PPA2: variants seen among roughly 807,000 people sequenced by gnomAD.
PPA2 encodes the protein inorganic pyrophosphatase 2, mitochondrial.
PPA2 carries 48 observed loss-of-function variants against 49.5 expected under a neutral mutation model. The observed-to-expected ratio is 0.97, with a 90% CI of 0.77 to 1.23. The LOEUF is 1.23. PPA2 is among the 50% of genes most tolerant of loss of function. The pLI is 0.00. For synonymous variants in PPA2, 131 were observed against 139.9 expected, an observed-to-expected ratio of 0.94 and a Z score of 0.45; for missense variants, 429 against 410.1, an observed-to-expected ratio of 1.05 and a Z score of -0.40.
At chr4:105,386,502 A>C (rs1733688345) in intron 10 of PPA2, 65 bp downstream of exon 10, 1 of 1,465,742 alleles carries the variant, frequency 6.8e-7, no homozygotes, top group Non-Finnish European at 9.5e-7. Context: ...GAGATTTCAG[A>C]ATTTCTACTA....
intron 10 of PPA2, among the ~76,000 whole-genome samples, chr4:105,374,905 TG>T (rs1733182564): frequency 6.6e-6 from 1 of 151,282 alleles, no homozygotes; most frequent in South Asian, 2.1e-4. Context: ...TTGGCCAGGC[TG>T]GTCTGGAACT....
At chr4:105,467,359 G>C (rs1418828625) in intron 1 of PPA2, among the ~76,000 whole-genome samples, 1 of 152,186 alleles carries the variant, frequency 6.6e-6, no homozygotes, top group Non-Finnish European at 1.5e-5. Context: ...AACATACATG[G>C]CATGTCTGAG....
chr4:105,397,095 T>C (rs1002369132), intron 8 of PPA2, among the ~76,000 whole-genome samples: 1 of 152,208 alleles, frequency 6.6e-6, no homozygotes, highest in Non-Finnish European at 1.5e-5. Context: ...GAAAGTTCTT[T>C]AGAGTTTTTT....
At chr4:105,395,333 G>A (rs1560610653) in intron 9 of PPA2, among the ~76,000 whole-genome samples, 1 of 143,316 alleles carries the variant, frequency 7.0e-6, no homozygotes, top group South Asian at 2.4e-4. Flanking sequence ...TGTGCTCAGA[G>A]AGCACAGGGA....
At chr4:105,402,014 C>T (rs1254868872) in intron 7 of PPA2, among the ~76,000 whole-genome samples, 3 of 152,098 alleles carry the variant, frequency 2.0e-5, no homozygotes, top group Non-Finnish European at 4.4e-5. Context: ...ATATTACATA[C>T]ACCAGTGAAT....
chr4:105,428,333 A>G lies in PPA2; in HGVS notation c.529-4011T>C, dbSNP rs1000457579. Among the ~76,000 whole-genome samples the G allele has an allele frequency of 5.3e-5, 8 of 152,188 alleles. No individual in the cohort carries two copies. The East Asian group carries it at 1.5e-3, about 29-fold the overall frequency. On this transcript the variant is annotated intron_variant, in intron 6 of 11. Coordinates refer to ENST00000341695, the MANE Select transcript of PPA2 (RefSeq NM_176869.3). ...CAGCTAGCATCCTAATGACAGGATC[A>G]AATTCATACATAACAATATTAATCT...
chr4:105,442,579 T>C (rs181291219), intron 5 of PPA2, among the ~76,000 whole-genome samples: 193 of 152,310 alleles, frequency 1.3e-3, no homozygotes, highest in African/African-American at 4.6e-3. Context: ...GATGTAACAC[T>C]GAAATAACCC....
intron 9 of PPA2, among the ~76,000 whole-genome samples, chr4:105,392,555 C>A (rs932223001): frequency 1.3e-5 from 2 of 151,954 alleles, no homozygotes; most frequent in Non-Finnish European, 2.9e-5. Flanking sequence ...TGCCTGTAAT[C>A]CTAGCTACTT....
At chr4:105,425,658 T>G (rs1306835451) in intron 6 of PPA2, among the ~76,000 whole-genome samples, 1 of 150,282 alleles carries the variant, frequency 6.7e-6, no homozygotes, top group African/African-American at 2.5e-5. Context: ...ATAAATAACG[T>G]CCAAAAAATT....
chr4:105,467,867 T>C (rs1474680750), intron 1 of PPA2, among the ~76,000 whole-genome samples: 1 of 152,182 alleles, frequency 6.6e-6, no homozygotes, highest in East Asian at 1.9e-4. Context: ...TTTTGTGCTG[T>C]TAATCTTGAG....
chr4:105,381,457 G>A (rs1476383255), intron 10 of PPA2, among the ~76,000 whole-genome samples: 1 of 151,790 alleles, frequency 6.6e-6, no homozygotes, highest in African/African-American at 2.4e-5. Flanking sequence ...ACCCTGTGAG[G>A]TTCAGTGAAA....
At chr4:105,447,996 T>C in intron 4 of PPA2, 1 of 294,576 alleles carries the variant, frequency 3.4e-6, no homozygotes, top group South Asian at 3.0e-5. Flanking sequence ...TCTGCCCGCC[T>C]TGGTTTCTCA....
intron 5 of PPA2, among the ~76,000 whole-genome samples, chr4:105,440,545 G>C (rs1290582351): frequency 6.6e-6 from 1 of 152,154 alleles, no homozygotes; most frequent in African/African-American, 2.4e-5. Flanking sequence ...ACAAGCGTGA[G>C]CCACTGCGCC....
At chr4:105,466,011 T>C (rs981571286) in intron 1 of PPA2, among the ~76,000 whole-genome samples, 3 of 152,126 alleles carry the variant, frequency 2.0e-5, no homozygotes, top group African/African-American at 7.2e-5. Context: ...TACCTTATCT[T>C]CTAATTCATC....
At chr4:105,428,427 C>G (rs1024632855) in intron 6 of PPA2, among the ~76,000 whole-genome samples, 1 of 151,902 alleles carries the variant, frequency 6.6e-6, no homozygotes, top group East Asian at 1.9e-4. Flanking sequence ...GAGTCAAGAC[C>G]CATCAGTGTG....
At chr4:105,424,020 G>A (rs1168983115) in intron 7 of PPA2, among the ~76,000 whole-genome samples, 176 bp downstream of exon 7, 1 of 152,128 alleles carries the variant, frequency 6.6e-6, no homozygotes, top group Non-Finnish European at 1.5e-5. Context: ...AAAGGGAATA[G>A]AGGGAAACCA....
chr4:105,460,811 T>C (rs960262665), intron 1 of PPA2, among the ~76,000 whole-genome samples: 1 of 148,886 alleles, frequency 6.7e-6, no homozygotes, highest in African/African-American at 2.6e-5. Context: ...GATCCAATGC[T>C]CTTGTTAACT....
At chr4:105,459,229 GGCTATGGTCTATAAA>G (rs1405755584) in intron 1 of PPA2, among the ~76,000 whole-genome samples, 1 of 152,042 alleles carries the variant, frequency 6.6e-6, no homozygotes, top group African/African-American at 2.4e-5. Context: ...ATAAAACTTT[GGCTATGGTCTATAAA>G]GCTCTTTTCA....
intron 7 of PPA2, among the ~76,000 whole-genome samples, chr4:105,402,774 G>A (rs937520298): frequency 1.3e-5 from 2 of 152,160 alleles, no homozygotes; most frequent in Admixed American, 1.3e-4. Context: ...CCAATAAGGG[G>A]CTGCTAAGAG....
Sources: gnomAD v4.1 joint callset for allele counts (sites outside exome capture counted in the v4.1 genomes callset) on GRCh38, gnomAD v4.1.1 for gene constraint, MANE v1.5 for transcripts, NCBI Gene and HGNC (gene_info 2026-07-23, HGNC 2026-07-21) for gene names.